The following TTLL9 variants were observed in gnomAD, a reference collection of about 807,000 sequenced individuals.
The protein encoded by TTLL9 is probable tubulin polyglutamylase TTLL9.
TTLL9 carries 47 observed loss-of-function variants against 65.6 expected under a neutral mutation model. The ratio of observed to expected loss-of-function variants is 0.72; its 90% confidence interval spans 0.57 to 0.91. The LOEUF is 0.91. TTLL9 is among the 40% of genes least tolerant of loss of function. The probability of loss-of-function intolerance (pLI) is 0.00; values close to 1 mark genes in which losing one functional copy is unlikely to be tolerated. For missense variants in TTLL9, 537 were observed against 568.8 expected (o/e 0.94, Z 0.57); for synonymous variants, 179 against 204.8 (o/e 0.87, Z 1.07).
intron 2 of TTLL9, among the ~76,000 whole-genome samples, chr20:31,881,070 C>T (rs926421282): frequency 6.6e-6 from 1 of 151,872 alleles, no homozygotes; most frequent in Non-Finnish European, 1.5e-5. Context: ...TGCTATGTTG[C>T]CCAGCCTTGT....
chr20:31,922,408 C>G (rs2063827563), intron 7 of TTLL9, among the ~76,000 whole-genome samples: 1 of 152,224 alleles, frequency 6.6e-6, no homozygotes, highest in South Asian at 2.1e-4. Context: ...AACGTTTCAT[C>G]TTCCCAAACT....
At chr20:31,879,637 G>C in intron 2 of TTLL9, 1 of 569,200 alleles carries the variant, frequency 1.8e-6, no homozygotes, top group Non-Finnish European at 3.1e-6. Flanking sequence ...AACTGCCCCA[G>C]GGTCGCGGAG....
At chr20:31,907,180 C>T (rs929609174) in intron 4 of TTLL9, among the ~76,000 whole-genome samples, 4 of 152,326 alleles carry the variant, frequency 2.6e-5, no homozygotes, top group Middle Eastern at 6.8e-3. Context: ...CTGCCACTTA[C>T]TAACTGCATG....
chr20:31,911,780 G>T (rs755077925), intron 6 of TTLL9, among the ~76,000 whole-genome samples: 14 of 151,972 alleles, frequency 9.2e-5, no homozygotes. Flanking sequence ...CAGACACAAC[G>T]GCAGCTACAG....
chr20:31,919,819 C>A (rs1038677159), intron 6 of TTLL9, 45 bp from the exon 7 acceptor site: 2 of 1,503,270 alleles, frequency 1.3e-6, no homozygotes, highest in African/African-American at 2.9e-5. Flanking sequence ...CAACAAGGAA[C>A]CACGCAGAGC....
chr20:31,902,612 C>T (rs1600561065), intron 4 of TTLL9, among the ~76,000 whole-genome samples: 1 of 152,032 alleles, frequency 6.6e-6, no homozygotes, highest in South Asian at 2.1e-4. Context: ...AGGTTATTTC[C>T]ACCTTTGGGC....
intron 2 of TTLL9, 133 bp downstream of exon 2, chr20:31,871,328 C>A: frequency 2.3e-6 from 2 of 881,166 alleles, no homozygotes; most frequent in Non-Finnish European, 3.7e-6. Flanking sequence ...TCACCTCTGA[C>A]CTGCTAGATG....
At chr20:31,894,098 C>CTTTT (rs1162101774) in intron 3 of TTLL9, among the ~76,000 whole-genome samples, 75 of 92,082 alleles carry the variant, frequency 8.1e-4, no homozygotes, top group African/African-American at 1.3e-3. Context: ...CCATTTGGTT[C>CTTTT]TTTTTTTTTT....
At chr20:31,904,258 A>G (rs1290946788) in intron 4 of TTLL9, among the ~76,000 whole-genome samples, 2 of 152,156 alleles carry the variant, frequency 1.3e-5, no homozygotes, top group African/African-American at 4.8e-5. Flanking sequence ...TTTAAAAATA[A>G]TAAGTATCTT....
intron 14 of TTLL9, among the ~76,000 whole-genome samples, chr20:31,941,813 C>G (rs755072748): frequency 6.6e-5 from 10 of 152,118 alleles, no homozygotes; most frequent in Non-Finnish European, 1.5e-4. Context: ...CTTTAGAAGT[C>G]TCTAGAATTA....
chr20:31,874,322 T>A (rs886811410), intron 2 of TTLL9, among the ~76,000 whole-genome samples: 4 of 152,162 alleles, frequency 2.6e-5, no homozygotes, highest in African/African-American at 9.7e-5. Context: ...GTTTACACTC[T>A]ATTTCCTTGT....
chr20:31,891,212 C>G lies in TTLL9; in HGVS notation c.113+3973C>G, dbSNP rs150684556. Reference sequence around the variant, plus strand: ...ATTCCATTGTTGCCAAAACTTGGACCTTTATATTTTTGCCAGTCTGATGTG... The same window carrying G: ...ATTCCATTGTTGCCAAAACTTGGACGTTTATATTTTTGCCAGTCTGATGTG... On this transcript the variant is annotated intron_variant, in intron 3 of 14. Transcript: ENST00000535842. Among the ~76,000 whole-genome samples, 271 of 152,232 alleles carry G rather than the reference C, an allele frequency of 1.8e-3. 3 individuals carry two copies. Among genetic ancestry groups the G allele is most frequent in the Non-Finnish European group, 2.8e-3 (191 of 67,996 alleles).
intron 2 of TTLL9, among the ~76,000 whole-genome samples, chr20:31,878,587 AC>A (rs1290455677): frequency 6.6e-6 from 1 of 152,160 alleles, no homozygotes; most frequent in Non-Finnish European, 1.5e-5. Context: ...CAGAAATGGC[AC>A]CCCAATCAAA....
chr20:31,939,372 C>A, intron 14 of TTLL9, 106 bp downstream of exon 14: 1 of 1,318,282 alleles, frequency 7.6e-7, no homozygotes, highest in Non-Finnish European at 1.0e-6. Context: ...TGAATTCAAT[C>A]TGCAACTTAC....
At chr20:31,933,886 G>A (rs200825727) in intron 11 of TTLL9, 28 bp downstream of exon 11, 32 of 1,608,240 alleles carry the variant, frequency 2.0e-5, no homozygotes, top group Non-Finnish European at 2.7e-5. Context: ...GGCTATGCAC[G>A]GGTACAGCCC....
chr20:31,907,470 C>T (rs1193321563), intron 4 of TTLL9, among the ~76,000 whole-genome samples: 3 of 152,084 alleles, frequency 2.0e-5, no homozygotes, highest in Admixed American at 1.3e-4. Context: ...ACCTATAATC[C>T]CAGCACTTTG....
chr20:31,921,776 G>T (rs1454735262), intron 7 of TTLL9, among the ~76,000 whole-genome samples: 1 of 151,838 alleles, frequency 6.6e-6, no homozygotes, highest in Admixed American at 6.6e-5. Context: ...TGAACAATGA[G>T]AACACTTGGA....
Position 31,898,487 on chromosome 20 carries a change from C to A in TTLL9, c.128C>A (p.Ser43Ter). Residue 43 changes from serine to a stop codon, truncating the protein, a stop_gained, in exon 4 of 15, where the codon TCG becomes TAG. Coordinates refer to ENST00000535842, the MANE Select transcript of TTLL9 (RefSeq NM_001008409.5). LOFTEE classifies it high-confidence loss of function. ...TTGTCTTGCAGAGAGCAGAGAGCAT[C>A]GATCCGGTTCAAGACCACCCTCATG... Reference protein sequence around the residue: ...SKGKEREQRASIRFKTTLMNT... With the variant: ...SKGKEREQRA 1 of 1,614,154 alleles carries A rather than the reference C, an allele frequency of 6.2e-7. No homozygotes were observed.
intron 4 of TTLL9, among the ~76,000 whole-genome samples, chr20:31,907,657 G>T (rs1361621031): frequency 6.6e-6 from 1 of 151,394 alleles, no homozygotes; most frequent in Non-Finnish European, 1.5e-5. Context: ...GGAGGAGGAG[G>T]TTGCAGTGAA....
Sources: allele counts gnomAD v4.1 joint callset (sites outside exome capture counted in the v4.1 genomes callset), GRCh38; gene constraint gnomAD v4.1.1; transcripts MANE v1.5; gene names NCBI Gene and HGNC (gene_info 2026-07-23, HGNC 2026-07-21).